GALNTL6: variants seen among roughly 807,000 people sequenced by gnomAD.
GALNTL6 encodes polypeptide N-acetylgalactosaminyltransferase like 6.
GALNTL6 carries 46 observed loss-of-function variants against 73.7 expected under a neutral mutation model. The observed-to-expected ratio is 0.62, with a 90% confidence interval of 0.49 to 0.80. The LOEUF (loss-of-function observed/expected upper bound fraction) is 0.80, where lower values mean the gene tolerates loss of function less well. Ranked by LOEUF, GALNTL6 falls within the 30% of genes least tolerant of loss-of-function variation. GALNTL6 has a pLI of 0.00. For synonymous variants in GALNTL6, 259 were observed against 263.7 expected, an observed-to-expected ratio of 0.98 and a Z score of 0.17; for missense variants, 604 against 755.0, an observed-to-expected ratio of 0.80 and a Z score of 2.34.
intron 2 of GALNTL6, among the ~76,000 whole-genome samples, chr4:171,955,180 T>C (rs1046897007): frequency 6.6e-6 from 1 of 151,828 alleles, no homozygotes; most frequent in Admixed American, 6.6e-5. Flanking sequence ...TGAGTGATTT[T>C]CTTTTATTTA....
At chr4:172,546,826 G>GTATATATACACATATATA (rs1735788866) in intron 5 of GALNTL6, among the ~76,000 whole-genome samples, 1 of 1,988 alleles carries the variant, frequency 5.0e-4, no homozygotes, top group African/African-American at 1.3e-3. Context: ...ATACGTATAT[G>GTATATATACACATATATA]TATAATTGTA....
rs5864138 is a variant in GALNTL6, at chr4:172,586,475, G to GAA, written c.554-222871_554-222870dup. Among the ~76,000 whole-genome samples the GAA allele has an allele frequency of 9.4e-3, 1,194 of 127,092 alleles. 15 individuals carry two copies. The highest frequency in any genetic ancestry group is 0.03 in the African/African-American group (983 of 33,246). 83.4% of individuals were successfully genotyped at this position (127,092 alleles called of 152,430 possible). A position where few individuals can be genotyped will look rare whatever the true frequency, so the allele number is the denominator to read the frequency against. On this transcript the variant is annotated intron_variant, in intron 5 of 12. Coordinates refer to ENST00000506823, the MANE Select transcript of GALNTL6 (RefSeq NM_001034845.3). ...CAACAGTAGTTGCTCTGGGAATTCA[G>GAA]AAAAAAAAAAAAAAAAGGACATTTC...
intron 2 of GALNTL6, among the ~76,000 whole-genome samples, chr4:172,186,712 A>G (rs1296055277): frequency 6.6e-6 from 1 of 152,130 alleles, no homozygotes; most frequent in Admixed American, 6.5e-5. Context: ...ATTTATATGA[A>G]ATATGAACAA....
Position 172,465,072 on chromosome 4 carries a change from A to G in GALNTL6, c.553+116383A>G, listed in dbSNP as rs76236002. Among the ~76,000 whole-genome samples the G allele has an allele frequency of 7.4e-3, 1,124 of 152,292 alleles. 17 individuals carry two copies. Among genetic ancestry groups the G allele is most frequent in the African/African-American group, 0.025 (1,056 of 41,560 alleles). On this transcript the variant is annotated intron_variant, in intron 5 of 12. Coordinates refer to ENST00000506823, the MANE Select transcript of GALNTL6 (RefSeq NM_001034845.3). ...GAGGTTCTTTGGCTTGAACATGATT[A>G]ATGCAATCTTTGACATCTTTTACTT...
chr4:172,349,241 A>C (rs530158651), intron 5 of GALNTL6, among the ~76,000 whole-genome samples: 1 of 152,090 alleles, frequency 6.6e-6, no homozygotes, highest in Non-Finnish European at 1.5e-5. Context: ...ATTTAGCATA[A>C]GTTTTAATAC....
At chr4:172,315,110 C>T (rs1323905831) in intron 4 of GALNTL6, among the ~76,000 whole-genome samples, 1 of 152,098 alleles carries the variant, frequency 6.6e-6, no homozygotes, top group Non-Finnish European at 1.5e-5. Flanking sequence ...AAGCTTTTCA[C>T]TTTTGTTTTT....
intron 5 of GALNTL6, among the ~76,000 whole-genome samples, chr4:172,469,334 G>A (rs957683855): frequency 2.0e-5 from 3 of 152,034 alleles, no homozygotes; most frequent in African/African-American, 4.8e-5. Context: ...GGCTAGGTGC[G>A]GTCCCTCATG....
At chr4:172,037,680 G>T (rs1004252714) in intron 2 of GALNTL6, among the ~76,000 whole-genome samples, 4 of 152,084 alleles carry the variant, frequency 2.6e-5, no homozygotes, top group Non-Finnish European at 4.4e-5. Context: ...TATCATTTAG[G>T]ATGGGACAGA....
intron 2 of GALNTL6, among the ~76,000 whole-genome samples, chr4:171,876,186 G>A (rs1285033590): frequency 6.8e-6 from 1 of 146,108 alleles, no homozygotes; most frequent in Non-Finnish European, 1.5e-5. Flanking sequence ...ATGGCATTGA[G>A]ATTTACTGAT....
chr4:172,574,925 T>TACAC (rs1736903950), intron 5 of GALNTL6, among the ~76,000 whole-genome samples: 2 of 96,978 alleles, frequency 2.1e-5, no homozygotes, highest in African/African-American at 4.2e-5. Context: ...TGCATGTGTA[T>TACAC]ACACACGCAC....
intron 2 of GALNTL6, among the ~76,000 whole-genome samples, chr4:171,878,172 T>A (rs1449684989): frequency 6.6e-6 from 1 of 152,206 alleles, no homozygotes; most frequent in African/African-American, 2.4e-5. Context: ...AGATATGTCA[T>A]ATCTGGATAG....
intron 4 of GALNTL6, among the ~76,000 whole-genome samples, chr4:172,346,417 G>GT (rs1256775870): frequency 2.0e-5 from 3 of 152,092 alleles, no homozygotes; most frequent in Admixed American, 2.0e-4. Flanking sequence ...TGTCCAAAAC[G>GT]TAAGAGTCCT....
intron 10 of GALNTL6, among the ~76,000 whole-genome samples, chr4:172,999,992 A>G (rs919007779): frequency 3.3e-5 from 5 of 152,084 alleles, no homozygotes; most frequent in Non-Finnish European, 7.4e-5. Context: ...TTATCTTGAT[A>G]TTTAAGACTC....
intron 5 of GALNTL6, among the ~76,000 whole-genome samples, chr4:172,802,456 T>C (rs978831603): frequency 2.0e-5 from 3 of 152,156 alleles, no homozygotes; most frequent in Non-Finnish European, 4.4e-5. Flanking sequence ...ACAAGTTGTA[T>C]TGAGAGTCTA....
chr4:172,676,185 GA>G (rs1262760539), intron 5 of GALNTL6, among the ~76,000 whole-genome samples: 6 of 152,102 alleles, frequency 3.9e-5, no homozygotes, highest in Non-Finnish European at 5.9e-5. Context: ...TTTGATTTTT[GA>G]AAAGACTTTA....
At chr4:172,021,464 T>G (rs1016843940) in intron 2 of GALNTL6, among the ~76,000 whole-genome samples, 2 of 152,072 alleles carry the variant, frequency 1.3e-5, no homozygotes, top group Non-Finnish European at 2.9e-5. Context: ...AATGGAAAGA[T>G]ATTCCATGTC....
intron 10 of GALNTL6, among the ~76,000 whole-genome samples, chr4:172,956,971 G>A (rs969542667): frequency 3.9e-5 from 6 of 152,188 alleles, no homozygotes; most frequent in African/African-American, 1.4e-4. Context: ...AGGCCAAACC[G>A]AGGAATTACG....
At chr4:171,828,763 C>T (rs771896349) in intron 2 of GALNTL6, among the ~76,000 whole-genome samples, 5 of 152,116 alleles carry the variant, frequency 3.3e-5, no homozygotes, top group Admixed American at 6.6e-5. Flanking sequence ...GCTGGGACTA[C>T]AGGCACATGC....
At chr4:172,361,921 T>C (rs983914930) in intron 5 of GALNTL6, among the ~76,000 whole-genome samples, 2 of 152,164 alleles carry the variant, frequency 1.3e-5, no homozygotes, top group African/African-American at 4.8e-5. Context: ...ATTGAGTTTC[T>C]ACATGTAAAG....
Sources: allele counts gnomAD v4.1 joint callset (sites outside exome capture counted in the v4.1 genomes callset), GRCh38; gene constraint gnomAD v4.1.1; transcripts MANE v1.5; gene names NCBI Gene and HGNC (gene_info 2026-07-23, HGNC 2026-07-21).